CCSER1: variants seen among roughly 807,000 people sequenced by gnomAD.
CCSER1 encodes coiled-coil serine rich protein 1.
In CCSER1, 41 loss-of-function variants were observed where a neutral mutation model predicts 82.0. The observed-to-expected ratio is 0.50, with a 90% CI of 0.39 to 0.65. CCSER1 has a LOEUF of 0.65. Among genes scored for constraint, CCSER1 ranks in the 30% least tolerant of loss-of-function variants. The pLI, the probability that CCSER1 is intolerant of heterozygous loss-of-function variation, is 0.00. For synonymous variants in CCSER1, 414 were observed against 383.9 expected (o/e 1.08, Z -0.92); for missense variants, 1,119 against 1,064.2 (o/e 1.05, Z -0.72).
At chr4:90,774,774 A>G (rs1752681984) in intron 7 of CCSER1, among the ~76,000 whole-genome samples, 1 of 152,068 alleles carries the variant, frequency 6.6e-6, no homozygotes. Context: ...CATATGAAAC[A>G]ATTTCCTACA....
intron 6 of CCSER1, among the ~76,000 whole-genome samples, chr4:90,644,659 C>T (rs1167719431): frequency 6.6e-6 from 1 of 151,890 alleles, no homozygotes; most frequent in Non-Finnish European, 1.5e-5. Flanking sequence ...TGTTGTTCCC[C>T]TCCCTCTGTC....
intron 1 of CCSER1, among the ~76,000 whole-genome samples, chr4:90,179,727 A>G (rs1578352585): frequency 2.0e-5 from 3 of 152,278 alleles, no homozygotes; most frequent in Admixed American, 2.0e-4. Context: ...ATGTCCAGTA[A>G]CTTAACTTGT....
intron 4 of CCSER1, among the ~76,000 whole-genome samples, chr4:90,440,009 T>G (rs1320922323): frequency 6.7e-6 from 1 of 150,266 alleles, no homozygotes; most frequent in Admixed American, 6.7e-5. Flanking sequence ...GTTATTTTAT[T>G]TTTTTTTTTA....
Position 90,566,179 on chromosome 4 carries a change from C to T in CCSER1, c.1725-61846C>T, listed in dbSNP as rs575184282. ...AGCCACAAATGATCTTTTTAATGTG[C>T]TGTTAAATTTAGTTTGCTAGTATTT... On this transcript the variant is annotated intron_variant, in intron 5 of 10. Coordinates refer to ENST00000509176, the MANE Select transcript of CCSER1 (RefSeq NM_001145065.2). 3.0e-4 allele frequency among the ~76,000 whole-genome samples: 46 copies of T among 151,872 alleles called. 1 individual carries two copies. In the South Asian group the frequency reaches 9.0e-3, roughly 30 times the overall value.
At chr4:90,882,972 C>G (rs1737922351) in intron 8 of CCSER1, among the ~76,000 whole-genome samples, 1 of 151,948 alleles carries the variant, frequency 6.6e-6, no homozygotes. Context: ...ATGTTTAGAA[C>G]ATTTTATGTT....
intron 10 of CCSER1, among the ~76,000 whole-genome samples, chr4:91,144,585 G>A (rs1462463679): frequency 1.3e-5 from 2 of 150,806 alleles, no homozygotes; most frequent in Non-Finnish European, 3.0e-5. Context: ...TCTTCTTGAT[G>A]TAAGCATTTA....
intron 1 of CCSER1, among the ~76,000 whole-genome samples, chr4:90,198,413 C>T (rs925119215): frequency 3.9e-5 from 6 of 152,136 alleles, no homozygotes; most frequent in Non-Finnish European, 7.4e-5. Flanking sequence ...ACCAAATATA[C>T]ATTTCTTATA....
chr4:90,912,619 T>C (rs574551905), intron 8 of CCSER1, among the ~76,000 whole-genome samples: 164 of 152,158 alleles, frequency 1.1e-3, no homozygotes, highest in Non-Finnish European at 2.1e-3. Context: ...TTGCCAGCAA[T>C]GGAACAAAGC....
intron 1 of CCSER1, among the ~76,000 whole-genome samples, chr4:90,142,839 G>T (rs1163191318): frequency 1.3e-5 from 2 of 151,974 alleles, no homozygotes; most frequent in African/African-American, 4.8e-5. Context: ...GTTTTGGTTA[G>T]AACTTTGTGT....
chr4:91,284,394 T>C (rs1474153430), intron 10 of CCSER1, among the ~76,000 whole-genome samples: 1 of 152,066 alleles, frequency 6.6e-6, no homozygotes, highest in Non-Finnish European at 1.5e-5. Context: ...TTGAAATTAA[T>C]CTATAAATGT....
At chr4:91,125,638 A>T (rs1340527472) in intron 10 of CCSER1, among the ~76,000 whole-genome samples, 1 of 151,734 alleles carries the variant, frequency 6.6e-6, no homozygotes, top group Non-Finnish European at 1.5e-5. Flanking sequence ...CTGTTGTATC[A>T]CAAAGATGCA....
intron 10 of CCSER1, among the ~76,000 whole-genome samples, chr4:91,240,261 A>AT (rs1739303837): frequency 1.6e-5 from 1 of 63,744 alleles, no homozygotes; most frequent in Admixed American, 1.7e-4. Context: ...TATTTTTAAT[A>AT]GAGACGGGGT....
chr4:91,384,059 T>C (rs1751110593), intron 10 of CCSER1, among the ~76,000 whole-genome samples: 1 of 152,000 alleles, frequency 6.6e-6, no homozygotes, highest in Non-Finnish European at 1.5e-5. Flanking sequence ...CCAGTTGCTG[T>C]AGCTAAAGTG....
At chr4:90,401,634 A>G (rs2153545575) in intron 4 of CCSER1, among the ~76,000 whole-genome samples, 1 of 152,234 alleles carries the variant, frequency 6.6e-6, no homozygotes, top group South Asian at 2.1e-4. Flanking sequence ...CCTGGGCTCA[A>G]GTAAATCTCC....
At position 91,167,078 on chromosome 4, in the gene CCSER1, C is replaced by G. The variant is rs1262923698; in HGVS notation, c.2217+81084C>G. Among the ~76,000 whole-genome samples the G allele has an allele frequency of 2.0e-5, 3 of 151,792 alleles. No homozygotes were observed. The East Asian group carries it at 5.8e-4, about 29-fold the overall frequency. On this transcript the variant is annotated intron_variant, in intron 10 of 10. Transcript: ENST00000509176. ...ATATCTATGAAATACATATTGTCCC[C>G]TAAGTAAATGTATTTTTGCCATTAC...
At chr4:90,461,588 T>A (rs1187704340) in intron 4 of CCSER1, among the ~76,000 whole-genome samples, 3 of 152,180 alleles carry the variant, frequency 2.0e-5, no homozygotes, top group Non-Finnish European at 2.9e-5. Context: ...TATTTCCATT[T>A]CTCAATATAT....
At chr4:90,940,130 T>A (rs545698037) in intron 9 of CCSER1, among the ~76,000 whole-genome samples, 2 of 152,256 alleles carry the variant, frequency 1.3e-5, no homozygotes, top group Non-Finnish European at 2.9e-5. Context: ...TATTAGCAAC[T>A]GAAGTAAGTC....
At chr4:90,790,746 G>T (rs117187770) in intron 7 of CCSER1, among the ~76,000 whole-genome samples, 4,726 of 152,148 alleles carry the variant, frequency 0.031, 119 homozygotes, top group East Asian at 0.14. Flanking sequence ...CAAGTCTCTA[G>T]GAAGTCTCAA....
At chr4:90,393,409 G>A (rs184828807) in intron 3 of CCSER1, among the ~76,000 whole-genome samples, 2 of 152,122 alleles carry the variant, frequency 1.3e-5, no homozygotes, top group African/African-American at 2.4e-5. Flanking sequence ...GTATATCTTG[G>A]CAGCACCTGA....
Sources: allele counts gnomAD v4.1 joint callset (sites outside exome capture counted in the v4.1 genomes callset), GRCh38; gene constraint gnomAD v4.1.1; transcripts MANE v1.5; gene names NCBI Gene and HGNC (gene_info 2026-07-23, HGNC 2026-07-21).